Variants in ASIC4 observed in about 807,000 individuals in gnomAD.
The protein encoded by ASIC4 is acid-sensing ion channel 4.
In ASIC4, 28 loss-of-function variants were observed where a neutral mutation model predicts 53.4. The observed-to-expected ratio is 0.52, with a 90% CI of 0.39 to 0.72. ASIC4 has a LOEUF of 0.72. ASIC4 is among the 30% of genes least tolerant of loss of function. The pLI is 0.00. For synonymous variants in ASIC4, 289 were observed against 301.4 expected, an observed-to-expected ratio of 0.96 and a Z score of 0.43; for missense variants, 649 against 729.7, an observed-to-expected ratio of 0.89 and a Z score of 1.27.
upstream of ASIC4, among the ~76,000 whole-genome samples, chr2:219,510,723 G>T (rs1694689567): frequency 1.3e-5 from 2 of 152,148 alleles, no homozygotes; most frequent in Admixed American, 1.3e-4. This position sits in a 1 kb window ranked among gnomAD's most constrained non-coding sequence, Gnocchi z 5.2. Flanking sequence ...TGCTGGGCTG[G>T]GTTGGCCCTA....
intron 1 of ASIC4, 102 bp from the exon 2 acceptor site, chr2:219,531,656 G>T: frequency 7.4e-7 from 1 of 1,350,640 alleles, no homozygotes; most frequent in African/African-American, 1.5e-5. Flanking sequence ...GGACTGGAGT[G>T]TCCAAGCAGA....
chr2:219,507,125 A>T, the ASIC4 span: 1 of 307,452 alleles, frequency 3.3e-6, no homozygotes, highest in African/African-American at 2.2e-5. Context: ...GAGCCCTGGT[A>T]AATCTCCCCC....
chr2:219,534,918 C>CG (rs1485531724), intron 5 of ASIC4, among the ~76,000 whole-genome samples: 2 of 151,558 alleles, frequency 1.3e-5, no homozygotes, highest in Admixed American at 6.6e-5. Context: ...CCACGAGGAC[C>CG]CCCCCCCAGT....
intron 5 of ASIC4, chr2:219,534,185 A>G (rs1695090315): frequency 6.6e-6 from 1 of 152,316 alleles, no homozygotes; most frequent in African/African-American, 2.4e-5. Flanking sequence ...AGTAATCCAG[A>G]CACCTGGGGC....
upstream of ASIC4, among the ~76,000 whole-genome samples, chr2:219,511,707 C>T (rs937619592): frequency 4.6e-5 from 6 of 130,682 alleles, no homozygotes; most frequent in East Asian, 2.6e-4. This position sits in a 1 kb window ranked among gnomAD's most constrained non-coding sequence, Gnocchi z 5.3. Flanking sequence ...GCTGGTCCCC[C>T]GGGAGTGGGT....
intron 1 of ASIC4, among the ~76,000 whole-genome samples, chr2:219,522,750 G>GGGCGGGCGGCGGTGTTTCCCTCCGCGGT: frequency 1.3e-5 from 2 of 152,168 alleles, no homozygotes; most frequent in South Asian, 4.1e-4. Flanking sequence ...GCCGCCGCGG[G>GGGCGGGCGGCGGTGTTTCCCTCCGCGGT]GGCGGGCGGC....
chr2:219,530,024 G>A (rs1052369711), intron 1 of ASIC4, among the ~76,000 whole-genome samples: 18 of 152,160 alleles, frequency 1.2e-4, no homozygotes, highest in Admixed American at 3.9e-4. Flanking sequence ...CACTCCCCCT[G>A]TGTAGCCAGG....
At chr2:219,533,219 T>A in intron 5 of ASIC4, 1 of 537,872 alleles carries the variant, frequency 1.9e-6, no homozygotes, top group Admixed American at 3.2e-5. Context: ...GCCAATGAGC[T>A]CACCCACTTT....
chr2:219,527,624 T>C (rs1694980771), intron 1 of ASIC4, among the ~76,000 whole-genome samples: 1 of 152,238 alleles, frequency 6.6e-6, no homozygotes. Context: ...GGTTCAGTTC[T>C]GTTTGAATCT....
upstream of ASIC4, among the ~76,000 whole-genome samples, chr2:219,513,611 G>A (rs907676): frequency 6.6e-6 from 1 of 151,900 alleles, no homozygotes; most frequent in African/African-American, 2.4e-5. Flanking sequence ...AGAGCACCCC[G>A]GAAGCACACC....
upstream of ASIC4, chr2:219,514,055 G>C: frequency 2.3e-6 from 1 of 428,470 alleles, no homozygotes; most frequent in Non-Finnish European, 4.1e-6. Flanking sequence ...GAGGTGGGGG[G>C]ATAGAGTTGG....
In ASIC4 at chr2:219,536,997, C is replaced by A; in HGVS notation, c.1230-69C>A. 7.3e-7 allele frequency: 1 copy of A among 1,367,812 alleles called. No individual in the cohort carries two copies. Among genetic ancestry groups the A allele is most frequent in the South Asian group, 1.2e-5 (1 of 82,748 alleles). The allele number at this position is 1,367,812 out of a possible 1,614,324, so 84.7% of individuals were successfully genotyped here. A position where few individuals can be genotyped will look rare whatever the true frequency, so the allele number is the denominator to read the frequency against. On this transcript the variant is annotated intron_variant, in intron 6 of 9. Transcript: ENST00000358078. The surrounding 1 kb of genome is among the most constrained non-coding windows in gnomAD (Gnocchi z 4.6). Reference sequence around the variant, plus strand: ...GATCTCTGATCAGGATCTGCTGGATCCAGGATGCCCCTGCCAGCCTTCTCA... The same window carrying A: ...GATCTCTGATCAGGATCTGCTGGATACAGGATGCCCCTGCCAGCCTTCTCA...
At chr2:219,530,291 T>A (rs1389844568) in intron 1 of ASIC4, among the ~76,000 whole-genome samples, 1 of 152,248 alleles carries the variant, frequency 6.6e-6, no homozygotes, top group South Asian at 2.1e-4. Context: ...GCGCAGCTCC[T>A]GGTGGCAGCT....
Position 219,536,257 on chromosome 2 carries a change from G to A in ASIC4, c.1230-809G>A, listed in dbSNP as rs1574496116. Reference sequence around the variant, plus strand: ...GCTTATGCATCTTTCTTCCCTGCACGGAGGGAGAGGGACAGGATGAGACAG... The same window carrying A: ...GCTTATGCATCTTTCTTCCCTGCACAGAGGGAGAGGGACAGGATGAGACAG... On this transcript the variant is annotated intron_variant, in intron 6 of 9. Coordinates refer to ENST00000358078, the MANE Select transcript of ASIC4 (RefSeq NM_018674.6). The surrounding 1 kb of genome is among the most constrained non-coding windows in gnomAD (Gnocchi z 4.6). Among the ~76,000 whole-genome samples, 3 of 152,344 alleles carry A rather than the reference G, an allele frequency of 2.0e-5. No homozygotes were observed. Among genetic ancestry groups the A allele is most frequent in the South Asian group, 2.1e-4 (1 of 4,832 alleles).
chr2:219,533,059 G>A (rs780387403), intron 5 of ASIC4, 120 bp downstream of exon 5: 2 of 1,157,090 alleles, frequency 1.7e-6, no homozygotes, highest in Middle Eastern at 1.9e-4. Context: ...CTTCCTGGGG[G>A]TTGAGCCTTA....
At chr2:219,513,888 C>T (rs886701414), upstream of ASIC4, among the ~76,000 whole-genome samples, 6 of 152,214 alleles carry the variant, frequency 3.9e-5, no homozygotes, top group Non-Finnish European at 2.9e-5. Context: ...CTTGAAGTCA[C>T]AGTTGTCCCC....
the ASIC4 span, among the ~76,000 whole-genome samples, chr2:219,508,655 A>C: frequency 1.3e-5 from 2 of 152,052 alleles, no homozygotes. Context: ...CCCAAGATGG[A>C]GCACCTGCCC....
In ASIC4 at chr2:219,537,636, C is replaced by T. The variant is rs1695165066; in HGVS notation, c.1406C>T (p.Ser469Phe). ...LEILDYIYEVSWDRLKRVWRR... is the reference protein window; with the variant it reads ...LEILDYIYEVFWDRLKRVWRR... ...TCCCCGACCCTGAACCCCAAGGTGT[C>T]CTGGGATCGACTGAAGCGGGTATGG... The change falls in exon 9 of 10, where the codon TCC becomes TTC. Residue 469 changes from serine (S) to phenylalanine (F), a missense_variant. By Grantham distance (155) the Ser-to-Phe change is radical. Coordinates refer to ENST00000358078, the MANE Select transcript of ASIC4 (RefSeq NM_018674.6). The surrounding 1 kb of genome is among the most constrained non-coding windows in gnomAD (Gnocchi z 4.9). 1.2e-6 allele frequency: 2 copies of T among 1,612,276 alleles called. No homozygotes were observed. Among genetic ancestry groups the T allele is most frequent in the Middle Eastern group, 1.7e-4 (1 of 6,032 alleles).
chr2:219,532,885 A>G lies in ASIC4; in HGVS notation c.1021A>G (p.Asn341Asp). The change falls in exon 5 of 10, where the codon AAT becomes GAT. Residue 341 changes from asparagine to aspartate, a missense_variant and splice_region_variant. Physicochemically the swap from Asn to Asp is conservative, Grantham distance 23. Transcript: ENST00000358078. ...GGAATAATCTTCTCTCCTTTCAGGC[A>G]ATGAGACCATCTGCCCACCAAATAT... ...CHCRMVHMPG[N>D]ETICPPNIYI... 6.2e-7 allele frequency: 1 copy of G among 1,613,154 alleles called. No homozygotes were observed. The highest frequency in any genetic ancestry group is 2.2e-5 in the East Asian group (1 of 44,842).
Sources: allele counts gnomAD v4.1 joint callset (sites outside exome capture counted in the v4.1 genomes callset), GRCh38; gene constraint gnomAD v4.1.1; non-coding constraint Gnocchi (gnomAD v3.1); transcripts MANE v1.5; gene names NCBI Gene and HGNC (gene_info 2026-07-23, HGNC 2026-07-21).